The following ITGB4 variants were observed in gnomAD, a reference collection of about 807,000 sequenced individuals.
The protein encoded by ITGB4 is integrin beta-4.
In ITGB4, 159 loss-of-function variants were observed where a neutral mutation model predicts 207.6. The observed-to-expected ratio is 0.77, with a 90% CI of 0.67 to 0.87. The LOEUF (loss-of-function observed/expected upper bound fraction) is 0.87. Ranked by LOEUF, ITGB4 falls within the 40% of genes least tolerant of loss-of-function variation. The pLI is 0.00. For missense variants in ITGB4, 2,278 were observed against 2,546.8 expected (o/e 0.89, Z 2.27); for synonymous variants, 1,020 against 1,062.7 (o/e 0.96, Z 0.78).
rs556812119 is a variant in ITGB4, at chr17:75,739,908, C to T, written c.2283C>T (p.His761=). The change falls in exon 20 of 40, where the codon CAC becomes CAT. Residue 761 remains histidine (H), a synonymous_variant. Transcript: ENST00000200181. The surrounding 1 kb of genome is among the most constrained non-coding windows in gnomAD (Gnocchi z 5.4). ...RGHMVGFKED[H]YMLRENLMAS... Reference sequence around the variant, plus strand: ...ACATGGTGGGCTTTAAGGAAGACCACTACATGCTGCGGGAGAACCTGATGG... The same window carrying T: ...ACATGGTGGGCTTTAAGGAAGACCATTACATGCTGCGGGAGAACCTGATGG... The T allele has an allele frequency of 8.1e-6, 13 of 1,613,508 alleles. No individual in the cohort carries two copies. The highest frequency in any genetic ancestry group is 5.5e-5 in the South Asian group (5 of 91,088).
rs745502016 is a variant in ITGB4, at chr17:75,729,448, G to A, written c.738+12G>A. 11 of 1,613,008 alleles carry A rather than the reference G, an allele frequency of 6.8e-6. No individual in the cohort carries two copies. Among genetic ancestry groups the A allele is most frequent in the Non-Finnish European group, 8.5e-6 (10 of 1,179,478 alleles). ...CAGCTGTGTGCACGGTGGGCACTGGGAAGGGTGCTGCCAGCCTAGGCCAGG... is the reference window on the plus strand; with the variant it reads ...CAGCTGTGTGCACGGTGGGCACTGGAAAGGGTGCTGCCAGCCTAGGCCAGG... On this transcript the variant is annotated intron_variant, in intron 7 of 39. Coordinates refer to ENST00000200181, the MANE Select transcript of ITGB4 (RefSeq NM_000213.5). The surrounding 1 kb of genome is among the most constrained non-coding windows in gnomAD (Gnocchi z 4.4).
intron 13 of ITGB4, among the ~76,000 whole-genome samples, chr17:75,734,304 T>C (rs2148491464): frequency 1.3e-5 from 2 of 151,838 alleles, no homozygotes; most frequent in East Asian, 3.9e-4. Context: ...GCCCAGCTAA[T>C]TTTGTATTTT....
intron 26 of ITGB4, among the ~76,000 whole-genome samples, chr17:75,747,821 A>G (rs2061266202): frequency 6.6e-6 from 1 of 152,134 alleles, no homozygotes; most frequent in Non-Finnish European, 1.5e-5. Flanking sequence ...GGCTAATGAC[A>G]CTGACGTTTT....
chr17:75,754,292 C>A (rs1284402950), intron 33 of ITGB4, among the ~76,000 whole-genome samples: 1 of 152,172 alleles, frequency 6.6e-6, no homozygotes, highest in African/African-American at 2.4e-5. Flanking sequence ...CTCCCCAGGG[C>A]AGAGCTGACT....
chr17:75,746,599 C>T (rs1230531635), intron 26 of ITGB4, among the ~76,000 whole-genome samples: 2 of 145,128 alleles, frequency 1.4e-5, no homozygotes, highest in African/African-American at 5.0e-5. Flanking sequence ...CCTAGGATAA[C>T]ATGATCCTTT....
At position 75,731,718 on chromosome 17, in the gene ITGB4, T is replaced by C; in HGVS notation, c.1216-94T>C. ...AGCTCATTTCAGGGATCCAGACATC[T>C]CCTAGGAACTTGGGGGCCGAGGGCC... On this transcript the variant is annotated intron_variant, in intron 10 of 39. Transcript: ENST00000200181. This position sits in a 1 kb window ranked among gnomAD's most constrained non-coding sequence, Gnocchi z 6.8. 7.4e-7 allele frequency: 1 copy of C among 1,358,404 alleles called. No homozygotes were observed. 84.1% of individuals were successfully genotyped at this position (1,358,404 alleles called of 1,614,324 possible).
At position 75,739,724 on chromosome 17, in the gene ITGB4, A is replaced by G; in HGVS notation, c.2254+19A>G. The G allele has an allele frequency of 1.2e-6, 2 of 1,613,956 alleles. No homozygotes were observed. Among genetic ancestry groups the G allele is most frequent in the Non-Finnish European group, 1.7e-6 (2 of 1,179,932 alleles). ...AACCGAGGTATGGGCCTGGCATCGCAGGGGCAGCAGGGGCTCTGACTGCTC... is the reference window on the plus strand; with the variant it reads ...AACCGAGGTATGGGCCTGGCATCGCGGGGGCAGCAGGGGCTCTGACTGCTC... On this transcript the variant is annotated intron_variant, in intron 19 of 39. Coordinates refer to ENST00000200181, the MANE Select transcript of ITGB4 (RefSeq NM_000213.5). The surrounding 1 kb of genome is among the most constrained non-coding windows in gnomAD (Gnocchi z 5.4).
rs747110272 is a variant in ITGB4, at chr17:75,728,491, T to C, written c.566+18T>C. 3.8e-6 allele frequency: 6 copies of C among 1,598,418 alleles called. No homozygotes were observed. Among genetic ancestry groups the C allele is most frequent in the South Asian group, 1.1e-5 (1 of 90,750 alleles). ...CCTGAGAAGTAAGTGACTGTGTGGGTCCCGCAGGTGGGCAAGGGTCCAGGC... is the reference window on the plus strand; with the variant it reads ...CCTGAGAAGTAAGTGACTGTGTGGGCCCCGCAGGTGGGCAAGGGTCCAGGC... On this transcript the variant is annotated intron_variant, in intron 6 of 39. Transcript: ENST00000200181.
In ITGB4 at chr17:75,740,974, C is replaced by T; in HGVS notation, c.2610-8C>T. The stretch of plus-strand genomic sequence containing the variant: ...ATCTAGCTCACAGCGCCCTCTTTGT[C>T]CCCACAGGCAGCAGCCCAATGCCGG... On this transcript the variant is annotated splice_region_variant and splice_polypyrimidine_tract_variant and intron_variant, in intron 22 of 39. Transcript: ENST00000200181. The surrounding 1 kb of genome is among the most constrained non-coding windows in gnomAD (Gnocchi z 5.9). The T allele has an allele frequency of 6.2e-7, 1 of 1,613,996 alleles. No homozygotes were observed.
chr17:75,749,975 T>C (rs2061329038), intron 27 of ITGB4, 136 bp from the exon 28 acceptor site: 1 of 1,089,498 alleles, frequency 9.2e-7, no homozygotes. Flanking sequence ...CACCACCAGG[T>C]CTCCAGAGAC....
rs756027431 is a variant in ITGB4 at position 75,750,884 on chromosome 17, A to G, written c.3655+24A>G. The G allele has an allele frequency of 3.1e-6, 5 of 1,613,334 alleles. No homozygotes were observed. Among genetic ancestry groups the G allele is most frequent in the Non-Finnish European group, 1.7e-6 (2 of 1,179,964 alleles). ...AGGTGAGGCCTCGCCATGTCTGTCC[A>G]TTTGTCCCCTGGCTGCCCTGATGCC... On this transcript the variant is annotated intron_variant, in intron 29 of 39. Transcript: ENST00000200181. This position sits in a 1 kb window ranked among gnomAD's most constrained non-coding sequence, Gnocchi z 5.5.
intron 30 of ITGB4, 43 bp downstream of exon 30, chr17:75,751,154 C>T (rs1380160525): frequency 1.2e-6 from 2 of 1,608,290 alleles, no homozygotes; most frequent in Non-Finnish European, 1.7e-6. Flanking sequence ...GGAGAACAGC[C>T]ATGGAAGGGG....
At chr17:75,744,383 G>T (rs537890739) in intron 26 of ITGB4, among the ~76,000 whole-genome samples, 1 of 152,118 alleles carries the variant, frequency 6.6e-6, no homozygotes, top group African/African-American at 2.4e-5. Context: ...GCCTCCCAAA[G>T]TGCTGGGATT....
Position 75,750,846 on chromosome 17 carries a change from G to A in ITGB4, c.3641G>A (p.Arg1214His), listed in dbSNP as rs139518734. ...EGPYSSLVSC[R>H]THQEVPSEPG... ...CCCTACAGCTCCCTGGTGTCCTGCC[G>A]CACCCACCAGGAAGGTGAGGCCTCG... Residue 1214 changes from arginine to histidine, a missense_variant, in exon 29 of 40, where the codon CGC becomes CAC. Arg to His is a conservative substitution (Grantham distance 29). Coordinates refer to ENST00000200181, the MANE Select transcript of ITGB4 (RefSeq NM_000213.5). The surrounding 1 kb of genome is among the most constrained non-coding windows in gnomAD (Gnocchi z 5.5). 55 of 1,613,164 alleles carry A rather than the reference G, an allele frequency of 3.4e-5. No homozygotes were observed. Among genetic ancestry groups the A allele is most frequent in the South Asian group, 6.6e-5 (6 of 91,080 alleles).
intron 27 of ITGB4, 151 bp from the exon 28 acceptor site, chr17:75,749,960 T>TG (rs1434927525): frequency 1.0e-6 from 1 of 961,266 alleles, no homozygotes; most frequent in Non-Finnish European, 1.7e-6. Context: ...GTGGCAGCAA[T>TG]GGGGCACCAC....
At position 75,756,952 on chromosome 17, in the gene ITGB4, C is replaced by T; in HGVS notation, c.5063C>T (p.Thr1688Ile). The T allele has an allele frequency of 6.2e-7, 1 of 1,612,646 alleles. No homozygotes were observed. Among genetic ancestry groups the T allele is most frequent in the Non-Finnish European group, 8.5e-7 (1 of 1,179,930 alleles). Residue 1688 changes from threonine (T) to isoleucine (I), a missense_variant, in exon 38 of 40, where the codon ACC becomes ATC. By Grantham distance (89) the Thr-to-Ile change is moderately conservative (BLOSUM62 -1). Transcript: ENST00000200181. ...CEMAQGGGPA[T>I]AFRVDGDSPE... is the part of the protein sequence containing the mutation. ...CATCTTCCCTGCTCAGGGCCAGCCA[C>T]CGCATTCCGGGTGGATGGAGACAGC... is the stretch of plus-strand genomic sequence containing the variant.
rs757739484 is a variant in ITGB4 at position 75,727,322 on chromosome 17, A to T, written c.162+45A>T. The T allele has an allele frequency of 1.6e-5, 26 of 1,612,620 alleles. No homozygotes were observed. The highest frequency in any genetic ancestry group is 1.0e-4 in the Admixed American group (6 of 59,882). On this transcript the variant is annotated intron_variant, in intron 3 of 39. Coordinates refer to ENST00000200181, the MANE Select transcript of ITGB4 (RefSeq NM_000213.5). The surrounding 1 kb of genome is among the most constrained non-coding windows in gnomAD (Gnocchi z 6.0). ...TGGTGTGGAACAGGCAAGGGTCGGG[A>T]ATAGCTGGTGGAAATGAATCTAGGG...
chr17:75,756,522 G>T lies in ITGB4; in HGVS notation c.4802G>T (p.Arg1601Leu). 6.2e-7 allele frequency: 1 copy of T among 1,613,276 alleles called. No homozygotes were observed. Among genetic ancestry groups the T allele is most frequent in the Non-Finnish European group, 8.5e-7 (1 of 1,180,006 alleles). The change falls in exon 36 of 40, where the codon CGG becomes CTG. Residue 1601 changes from arginine (R) to leucine (L), a missense_variant. Coordinates refer to ENST00000200181, the MANE Select transcript of ITGB4 (RefSeq NM_000213.5). ...LPNHSYVFRV[R>L]AQSQEGWGRE... ...AACCACTCCTACGTGTTCCGCGTGC[G>T]GGCCCAGAGCCAGGAAGGCTGGGGC...
chr17:75,749,105 A>G, intron 27 of ITGB4, 60 bp downstream of exon 27: 1 of 1,395,280 alleles, frequency 7.2e-7, no homozygotes, highest in Non-Finnish European at 1.0e-6. Context: ...GGGGTCTCTC[A>G]ACTAGGTCTG....
Sources: gnomAD v4.1 joint callset for allele counts (sites outside exome capture counted in the v4.1 genomes callset) on GRCh38, gnomAD v4.1.1 for gene constraint, Gnocchi (gnomAD v3.1) non-coding constraint, MANE v1.5 for transcripts, NCBI Gene and HGNC (gene_info 2026-07-23, HGNC 2026-07-21) for gene names.